Variants in AOAH observed in about 807,000 individuals in gnomAD.
AOAH encodes the protein acyloxyacyl hydrolase.
A neutral mutation model predicts 92.2 loss-of-function variants in AOAH; 64 were observed. The ratio of observed to expected loss-of-function variants is 0.69; its 90% CI spans 0.57 to 0.86. The LOEUF is 0.86. AOAH is among the 40% of genes least tolerant of loss of function. The pLI is 0.00. For missense variants in AOAH, 656 were observed against 694.6 expected (o/e 0.94, Z 0.62); for synonymous variants, 263 against 254.5 (o/e 1.03, Z -0.32).
chr7:36,702,313 G>C (rs774696025), intron 1 of AOAH, among the ~76,000 whole-genome samples: 3 of 152,124 alleles, frequency 2.0e-5, no homozygotes, highest in Non-Finnish European at 2.9e-5. Flanking sequence ...CCTTCTGTCT[G>C]AAGGACTTCT....
At chr7:36,545,379 C>A (rs1785736535) in intron 15 of AOAH, among the ~76,000 whole-genome samples, 1 of 152,312 alleles carries the variant, frequency 6.6e-6, no homozygotes, top group African/African-American at 2.4e-5. Flanking sequence ...TTCCTCTGAG[C>A]AGCAGGAGCT....
At chr7:36,594,566 T>TATTCA (rs771378659) in intron 11 of AOAH, 136 bp from the exon 12 acceptor site, 2 of 766,354 alleles carry the variant, frequency 2.6e-6, no homozygotes, top group South Asian at 1.5e-5. Context: ...GGGCTTTTGG[T>TATTCA]ATTCAAGGCA....
At chr7:36,540,264 T>C in intron 16 of AOAH, 55 bp downstream of exon 16, 1 of 1,462,034 alleles carries the variant, frequency 6.8e-7, no homozygotes, top group South Asian at 1.3e-5. Flanking sequence ...ATATATACAT[T>C]GAACTGTATA....
At chr7:36,548,030 T>C (rs187560868) in intron 15 of AOAH, among the ~76,000 whole-genome samples, 133 of 152,254 alleles carry the variant, frequency 8.7e-4, no homozygotes, top group African/African-American at 3.0e-3. Context: ...CAATTCCCAA[T>C]CTTGGGTTCT....
intron 13 of AOAH, among the ~76,000 whole-genome samples, chr7:36,561,420 C>G (rs954646933): frequency 2.0e-5 from 3 of 152,176 alleles, no homozygotes; most frequent in African/African-American, 7.2e-5. Context: ...GGCCTATTAT[C>G]TCTATTCAGG....
At chr7:36,653,712 A>G (rs1436168866) in intron 4 of AOAH, among the ~76,000 whole-genome samples, 1 of 152,240 alleles carries the variant, frequency 6.6e-6, no homozygotes, top group East Asian at 1.9e-4. Flanking sequence ...CAGGGCTTAC[A>G]TTCTGAATAT....
At chr7:36,555,719 C>G (rs552908358) in intron 13 of AOAH, among the ~76,000 whole-genome samples, 1 of 151,990 alleles carries the variant, frequency 6.6e-6, no homozygotes, top group African/African-American at 2.4e-5. Flanking sequence ...CTTGGGAGAG[C>G]GTATGTGTCA....
At chr7:36,626,911 G>T (rs780054429) in intron 6 of AOAH, among the ~76,000 whole-genome samples, 2 of 152,152 alleles carry the variant, frequency 1.3e-5, no homozygotes, top group African/African-American at 4.8e-5. Flanking sequence ...GAGGCAATGT[G>T]CCCGGCAACT....
At chr7:36,514,337 G>C (rs9648053) in intron 20 of AOAH, 328,255 of 641,910 alleles carry the variant, frequency 0.51, 87,596 homozygotes, top group East Asian at 0.6. Context: ...GTGGAGGCTG[G>C]CTGGGTCCCT....
chr7:36,679,079 C>A (rs1280132168), intron 2 of AOAH, among the ~76,000 whole-genome samples: 1 of 151,708 alleles, frequency 6.6e-6, no homozygotes, highest in Non-Finnish European at 1.5e-5. Flanking sequence ...AAAATAAGAC[C>A]AATTAAGTAG....
At chr7:36,530,715 A>G in intron 18 of AOAH, 1 of 521,830 alleles carries the variant, frequency 1.9e-6, no homozygotes, top group Admixed American at 3.4e-5. Flanking sequence ...GTTAATGTTC[A>G]TTAGGAATCA....
At chr7:36,705,689 C>CA (rs1798358082) in intron 1 of AOAH, among the ~76,000 whole-genome samples, 2 of 152,102 alleles carry the variant, frequency 1.3e-5, no homozygotes, top group Non-Finnish European at 2.9e-5. Flanking sequence ...CAATCCTAAG[C>CA]AAAAAGAACA....
chr7:36,535,040 G>GTC (rs779287717), intron 16 of AOAH, among the ~76,000 whole-genome samples: 4,427 of 89,746 alleles, frequency 0.049, 107 homozygotes, highest in African/African-American at 0.064. Flanking sequence ...GTGTGTCTGT[G>GTC]TGTGTGTATG....
rs796439587 is a variant in AOAH at position 36,713,673 on chromosome 7, C to T, written c.127+10349G>A. Among the ~76,000 whole-genome samples, 18 of 152,338 alleles carry T rather than the reference C, an allele frequency of 1.2e-4. 1 individual carries two copies. The highest frequency in any genetic ancestry group is 8.3e-4 in the South Asian group (4 of 4,834). On this transcript the variant is annotated intron_variant, in intron 1 of 20. Transcript: ENST00000617537. ...CAAACTAGAACTCAGGATTAAGAAACTCACTCAAAACTGCTCAAACATGGA... is the reference window on the plus strand; with the variant it reads ...CAAACTAGAACTCAGGATTAAGAAATTCACTCAAAACTGCTCAAACATGGA...
At chr7:36,684,254 G>T (rs1796827203) in intron 2 of AOAH, among the ~76,000 whole-genome samples, 1 of 152,116 alleles carries the variant, frequency 6.6e-6, no homozygotes, top group South Asian at 2.1e-4. Context: ...ACTGGTCAAA[G>T]CTCGATGGGA....
At chr7:36,553,449 G>A (rs1232700735) in intron 13 of AOAH, among the ~76,000 whole-genome samples, 2 of 151,370 alleles carry the variant, frequency 1.3e-5, no homozygotes, top group Non-Finnish European at 2.9e-5. Context: ...ATAAACATAC[G>A]TGTGCATGTG....
intron 1 of AOAH, among the ~76,000 whole-genome samples, chr7:36,715,231 CA>C (rs1799058156): frequency 6.6e-6 from 1 of 152,060 alleles, no homozygotes; most frequent in South Asian, 2.1e-4. Flanking sequence ...ACAATTGCTT[CA>C]AAGAGCATAA....
At chr7:36,560,027 A>G (rs1787142104) in intron 13 of AOAH, among the ~76,000 whole-genome samples, 2 of 152,118 alleles carry the variant, frequency 1.3e-5, no homozygotes, top group African/African-American at 4.8e-5. Flanking sequence ...GACTTTGTTG[A>G]TGGTCAGATG....
intron 4 of AOAH, among the ~76,000 whole-genome samples, chr7:36,657,002 G>A (rs1352505500): frequency 6.6e-6 from 1 of 152,016 alleles, no homozygotes; most frequent in Non-Finnish European, 1.5e-5. Flanking sequence ...AAAAAGGTCT[G>A]CTATATACCA....
Sources: gnomAD v4.1 joint callset for allele counts (sites outside exome capture counted in the v4.1 genomes callset) on GRCh38, gnomAD v4.1.1 for gene constraint, MANE v1.5 for transcripts, NCBI Gene and HGNC (gene_info 2026-07-23, HGNC 2026-07-21) for gene names.